Variants in FOXK2 observed in about 807,000 individuals in gnomAD.
FOXK2 encodes forkhead box protein K2.
A neutral mutation model predicts 53.3 loss-of-function variants in FOXK2; 24 were observed. That is an observed-to-expected ratio of 0.45 (90% CI 0.33 to 0.63). The LOEUF is 0.63. Among genes scored for constraint, FOXK2 ranks in the 30% least tolerant of loss-of-function variants. The pLI, the probability that FOXK2 is intolerant of heterozygous loss-of-function variation, is 0.03. For missense variants in FOXK2, 952 were observed against 910.5 expected (o/e 1.05, Z -0.59); for synonymous variants, 505 against 407.1 (o/e 1.24, Z -2.89).
intron 8 of FOXK2, among the ~76,000 whole-genome samples, chr17:82,596,534 A>G (rs2045314797): frequency 6.6e-6 from 1 of 152,288 alleles, no homozygotes; most frequent in African/African-American, 2.4e-5. Context: ...GACTGTTTCC[A>G]GACGCACTTT....
In FOXK2 at chr17:82,584,270, C is replaced by T. The variant is rs960147163; in HGVS notation, c.1279+82C>T. On this transcript the variant is annotated intron_variant, in intron 6 of 8. Coordinates refer to ENST00000335255, the MANE Select transcript of FOXK2 (RefSeq NM_004514.4). ...CTGGGCTCCACAGAGAAGAAACAGC[C>T]GGACTGGAGGCCTGCCTGTCCCTCT... 1.5e-5 allele frequency: 21 copies of T among 1,399,498 alleles called. No individual in the cohort carries two copies. In the East Asian group the frequency reaches 1.5e-4, roughly 10 times the overall value. The allele number at this position is 1,399,498 out of a possible 1,614,324, so 86.7% of individuals were successfully genotyped here.
At chr17:82,570,306 A>C (rs1312746763) in intron 3 of FOXK2, among the ~76,000 whole-genome samples, 1 of 152,176 alleles carries the variant, frequency 6.6e-6, no homozygotes, top group Non-Finnish European at 1.5e-5. Flanking sequence ...CAGATTGGAC[A>C]AAAAAGCAAG....
At chr17:82,597,857 C>T (rs560696143) in intron 8 of FOXK2, among the ~76,000 whole-genome samples, 2 of 152,290 alleles carry the variant, frequency 1.3e-5, no homozygotes, top group Non-Finnish European at 2.9e-5. Context: ...ACCACGTTGG[C>T]CAGGCTGGTC....
At chr17:82,588,927 C>T (rs970797871) in intron 8 of FOXK2, among the ~76,000 whole-genome samples, 5 of 147,094 alleles carry the variant, frequency 3.4e-5, no homozygotes, top group African/African-American at 1.0e-4. Context: ...GGTCTGGTGG[C>T]GGGTGCCTGT....
chr17:82,552,811 A>G (rs967279378), intron 1 of FOXK2, among the ~76,000 whole-genome samples: 2 of 152,172 alleles, frequency 1.3e-5, no homozygotes, highest in African/African-American at 4.8e-5. Flanking sequence ...TCTGGAGTGC[A>G]GAGTGACCTC....
chr17:82,556,555 C>T (rs897821298), intron 1 of FOXK2, among the ~76,000 whole-genome samples: 3 of 147,192 alleles, frequency 2.0e-5, no homozygotes, highest in African/African-American at 5.1e-5. Flanking sequence ...ACCTCCCTCA[C>T]CTTGCTGGGG....
At chr17:82,530,671 T>C (rs2044465388) in intron 1 of FOXK2, among the ~76,000 whole-genome samples, 1 of 151,852 alleles carries the variant, frequency 6.6e-6, no homozygotes, top group Non-Finnish European at 1.5e-5. Context: ...CACCACGCTC[T>C]GCTAATTTTT....
rs556854661 is a variant in FOXK2 at position 82,573,161 on chromosome 17, C to G, written c.909+1291C>G. Among the ~76,000 whole-genome samples, 8 of 152,172 alleles carry G rather than the reference C, an allele frequency of 5.3e-5. No individual in the cohort carries two copies. In the South Asian group the frequency reaches 8.3e-4, roughly 16 times the overall value. ...ATATCTGTGATCACACCACTGCACT[C>G]CAGCCTGGGTGACAGAGCAAGACCC... On this transcript the variant is annotated intron_variant, in intron 4 of 8. Coordinates refer to ENST00000335255, the MANE Select transcript of FOXK2 (RefSeq NM_004514.4).
chr17:82,570,019 G>C (rs4789797), intron 3 of FOXK2, among the ~76,000 whole-genome samples: 2 of 150,864 alleles, frequency 1.3e-5, no homozygotes, highest in Non-Finnish European at 1.5e-5. Context: ...TCAGGAGATC[G>C]AGACCATCCT....
chr17:82,520,337 G>GCC, intron 1 of FOXK2, 30 bp downstream of exon 1: 1 of 654,924 alleles, frequency 1.5e-6, no homozygotes, highest in African/African-American at 1.9e-5. Context: ...GGCGGGCGGG[G>GCC]TCTGCGGCCT....
chr17:82,547,577 A>G (rs1291373603), intron 1 of FOXK2, among the ~76,000 whole-genome samples: 1 of 152,140 alleles, frequency 6.6e-6, no homozygotes, highest in Non-Finnish European at 1.5e-5. Flanking sequence ...ACTGTAATAT[A>G]ATTTATACAT....
chr17:82,586,771 G>C (rs536516252), intron 7 of FOXK2, among the ~76,000 whole-genome samples: 5 of 152,136 alleles, frequency 3.3e-5, no homozygotes, highest in South Asian at 4.1e-4. Context: ...CATGGTGGCG[G>C]GTGCCTGTAA....
At chr17:82,557,765 C>T (rs1599897380) in intron 1 of FOXK2, among the ~76,000 whole-genome samples, 1 of 152,232 alleles carries the variant, frequency 6.6e-6, no homozygotes, top group East Asian at 1.9e-4. Flanking sequence ...CCTCCTGCCT[C>T]AGCCTCTGAG....
chr17:82,524,600 G>C (rs1452913394), intron 1 of FOXK2, among the ~76,000 whole-genome samples: 2 of 152,124 alleles, frequency 1.3e-5, no homozygotes, highest in Admixed American at 1.3e-4. Flanking sequence ...AGATTGTCAG[G>C]GTGTGTGGTT....
chr17:82,548,179 G>A (rs72861068), intron 1 of FOXK2, among the ~76,000 whole-genome samples: 27,133 of 152,182 alleles, frequency 0.18, 2,776 homozygotes, highest in Non-Finnish European at 0.24. Context: ...CAGGTGGTCA[G>A]TGTGCATTTA....
chr17:82,603,936 G>A lies in FOXK2; in HGVS notation c.*2437G>A, dbSNP rs1413671539. The A allele has an allele frequency of 2.0e-5, 3 of 152,162 alleles. No homozygotes were observed. Among genetic ancestry groups the A allele is most frequent in the African/African-American group, 7.2e-5 (3 of 41,426 alleles). 9.4% of individuals were successfully genotyped at this position (152,162 alleles called of 1,614,324 possible). ...ACTCCCACACCGGGTTTTCTTGCCC[G>A]TCTTTAAGGCACTGTTTCTAAATTT... On this transcript the variant is annotated 3_prime_UTR_variant, in exon 9 of 9. Transcript: ENST00000335255.
chr17:82,601,091 C>T, intron 8 of FOXK2: 1 of 524,772 alleles, frequency 1.9e-6, no homozygotes, highest in Admixed American at 3.2e-5. Flanking sequence ...AAGGGCCCAG[C>T]CCAGGCTCCT....
rs761678413 is a variant in FOXK2, at chr17:82,586,150, C to T, written c.1526C>T (p.Ala509Val). The T allele has an allele frequency of 8.7e-6, 14 of 1,612,146 alleles. No homozygotes were observed. Among genetic ancestry groups the T allele is most frequent in the Admixed American group, 3.3e-5 (2 of 59,916 alleles). The stretch of plus-strand genomic sequence containing the variant: ...GTGGTCACCCCGGCAGCCGTGCTGG[C>T]CCCTCCTAAGGCAGAGGCCCAGGAG... Reference protein sequence around the residue: ...QAVVTPAAVLAPPKAEAQENG... With the variant: ...QAVVTPAAVLVPPKAEAQENG... Residue 509 changes from alanine (A) to valine (V), a missense_variant, in exon 7 of 9, where the codon GCC becomes GTC. Coordinates refer to ENST00000335255, the MANE Select transcript of FOXK2 (RefSeq NM_004514.4).
At chr17:82,539,579 G>T (rs1301939291) in intron 1 of FOXK2, among the ~76,000 whole-genome samples, 1 of 152,034 alleles carries the variant, frequency 6.6e-6, no homozygotes, top group Non-Finnish European at 1.5e-5. Context: ...AACCCAGGAA[G>T]TCAAGGCTGT....
Sources: allele counts gnomAD v4.1 joint callset (sites outside exome capture counted in the v4.1 genomes callset), GRCh38; gene constraint gnomAD v4.1.1; transcripts MANE v1.5; gene names NCBI Gene and HGNC (gene_info 2026-07-23, HGNC 2026-07-21).